Variants in DTNB observed in about 807,000 individuals in gnomAD.
DTNB encodes DTN-B.
DTNB carries 63 observed loss-of-function variants against 90.7 expected under a neutral mutation model. The observed-to-expected ratio is 0.69, with a 90% CI of 0.57 to 0.86. The LOEUF (loss-of-function observed/expected upper bound fraction) is 0.86, where lower values mean the gene tolerates loss of function less well. Ranked by LOEUF, DTNB falls within the 40% of genes least tolerant of loss-of-function variation. The pLI is 0.00. For synonymous variants in DTNB, 277 were observed against 286.7 expected (o/e 0.97, Z 0.34); for missense variants, 744 against 807.1 (o/e 0.92, Z 0.95).
In DTNB at chr2:25,559,176, G is replaced by A. The variant is rs192002221; in HGVS notation, c.876+17662C>T. Reference sequence around the variant, plus strand: ...CTGGTTTTTATTCCTGTGAGGCTCAGTACATCCCCTCACGCGACCCCAATC... The same window carrying A: ...CTGGTTTTTATTCCTGTGAGGCTCAATACATCCCCTCACGCGACCCCAATC... On this transcript the variant is annotated intron_variant, in intron 8 of 20. Transcript: ENST00000406818. 1.3e-3 allele frequency among the ~76,000 whole-genome samples: 194 copies of A among 152,256 alleles called. 1 individual carries two copies. The highest frequency in any genetic ancestry group is 2.1e-3 in the Non-Finnish European group (140 of 68,018).
intron 8 of DTNB, among the ~76,000 whole-genome samples, chr2:25,573,568 T>C (rs1295073504): frequency 6.6e-6 from 1 of 152,214 alleles, no homozygotes; most frequent in Non-Finnish European, 1.5e-5. Context: ...CACTAGCCAA[T>C]TCTTTCTAAG....
At chr2:25,596,385 A>G (rs1195351866) in intron 5 of DTNB, 145 bp from the exon 6 acceptor site, 13 of 954,190 alleles carry the variant, frequency 1.4e-5, no homozygotes. Flanking sequence ...TATTAAAACT[A>G]TTCTCATCCT....
At chr2:25,416,256 A>G (rs2047897566) in intron 16 of DTNB, among the ~76,000 whole-genome samples, 1 of 152,200 alleles carries the variant, frequency 6.6e-6, no homozygotes, top group African/African-American at 2.4e-5. Flanking sequence ...GTAAATCCCT[A>G]AGGGGAATGA....
At chr2:25,545,962 A>G (rs2151062518) in intron 8 of DTNB, among the ~76,000 whole-genome samples, 1 of 152,318 alleles carries the variant, frequency 6.6e-6, no homozygotes, top group East Asian at 1.9e-4. Context: ...GAAAGAGTCA[A>G]TCCTTCCAGA....
At chr2:25,597,101 CT>C (rs1382384523) in intron 5 of DTNB, among the ~76,000 whole-genome samples, 1 of 152,184 alleles carries the variant, frequency 6.6e-6, no homozygotes, top group Admixed American at 6.5e-5. Context: ...TTCCTGAGGA[CT>C]TTTCAAACAT....
chr2:25,659,131 T>C (rs534821951), intron 1 of DTNB, among the ~76,000 whole-genome samples: 13 of 151,534 alleles, frequency 8.6e-5, no homozygotes, highest in Admixed American at 8.5e-4. Context: ...AAGCAGAATG[T>C]GATAAAGCAA....
At chr2:25,404,285 C>T (rs1280044772) in intron 16 of DTNB, among the ~76,000 whole-genome samples, 2 of 152,026 alleles carry the variant, frequency 1.3e-5, no homozygotes, top group African/African-American at 2.4e-5. Flanking sequence ...CCTGGCCTGA[C>T]GTTATGGAAC....
chr2:25,471,907 T>C (rs1253028577), intron 10 of DTNB, among the ~76,000 whole-genome samples: 1 of 152,092 alleles, frequency 6.6e-6, no homozygotes, highest in Non-Finnish European at 1.5e-5. Context: ...TAGTTAGTCA[T>C]GTGAAACGCA....
chr2:25,457,838 T>C (rs1428776852), intron 10 of DTNB, among the ~76,000 whole-genome samples: 7 of 152,076 alleles, frequency 4.6e-5, no homozygotes, highest in Non-Finnish European at 1.0e-4. Flanking sequence ...ATGTTAATTA[T>C]TATTATTATT....
intron 16 of DTNB, among the ~76,000 whole-genome samples, chr2:25,417,963 G>A (rs561829814): frequency 2.0e-5 from 3 of 152,262 alleles, no homozygotes; most frequent in Non-Finnish European, 4.4e-5. Context: ...GATTTGCTCT[G>A]GCCAATGAAA....
At chr2:25,539,408 T>C (rs1204736769) in intron 8 of DTNB, among the ~76,000 whole-genome samples, 1 of 152,172 alleles carries the variant, frequency 6.6e-6, no homozygotes, top group East Asian at 1.9e-4. Context: ...TTGCCAGACA[T>C]GTTAACATTT....
chr2:25,528,884 A>T (rs2077631203), intron 9 of DTNB, among the ~76,000 whole-genome samples: 1 of 152,244 alleles, frequency 6.6e-6, no homozygotes, highest in South Asian at 2.1e-4. Context: ...CTTTACTTAA[A>T]GGTATAAAAA....
intron 2 of DTNB, among the ~76,000 whole-genome samples, chr2:25,648,595 T>C (rs2080057260): frequency 6.6e-6 from 1 of 152,136 alleles, no homozygotes; most frequent in African/African-American, 2.4e-5. Flanking sequence ...AAAAACTATT[T>C]AAATTATTAA....
intron 1 of DTNB, chr2:25,653,121 A>T (rs1358842656): frequency 6.6e-6 from 1 of 152,652 alleles, no homozygotes; most frequent in Non-Finnish European, 1.5e-5. Flanking sequence ...ATATTAAAGA[A>T]ATCAGGTATT....
chr2:25,469,571 G>A (rs2062406133), intron 10 of DTNB, among the ~76,000 whole-genome samples: 1 of 152,138 alleles, frequency 6.6e-6, no homozygotes, highest in African/African-American at 2.4e-5. Context: ...TCAGCATCCT[G>A]AGGAGCTGGG....
chr2:25,537,668 G>A lies in DTNB; in HGVS notation c.877-6071C>T, dbSNP rs543349933. 1.2e-3 allele frequency among the ~76,000 whole-genome samples: 185 copies of A among 152,312 alleles called. 1 individual carries two copies. Among genetic ancestry groups the A allele is most frequent in the African/African-American group, 4.4e-3 (183 of 41,572 alleles). Reference sequence around the variant, plus strand: ...TGGACCTGAAGTGAATTTTGATAATGAGTTAGTTTAGGAGGCTACTATAAC... The same window carrying A: ...TGGACCTGAAGTGAATTTTGATAATAAGTTAGTTTAGGAGGCTACTATAAC... On this transcript the variant is annotated intron_variant, in intron 8 of 20. Transcript: ENST00000406818.
At chr2:25,515,768 G>C (rs879524578) in intron 9 of DTNB, among the ~76,000 whole-genome samples, 6 of 151,864 alleles carry the variant, frequency 4.0e-5, no homozygotes, top group African/African-American at 1.5e-4. Flanking sequence ...GTAGAGATGG[G>C]GTTTCACCAT....
intron 7 of DTNB, among the ~76,000 whole-genome samples, chr2:25,579,258 A>G (rs2061196510): frequency 1.3e-5 from 2 of 152,208 alleles, no homozygotes; most frequent in South Asian, 4.1e-4. Context: ...TGTTTTAAAA[A>G]TTTTGCTGTT....
chr2:25,464,662 T>C (rs573424153), intron 10 of DTNB, among the ~76,000 whole-genome samples: 75 of 152,254 alleles, frequency 4.9e-4, no homozygotes, highest in Non-Finnish European at 9.4e-4. Context: ...TGAGAAACCT[T>C]GTCAATGATG....
Sources: allele counts gnomAD v4.1 joint callset (sites outside exome capture counted in the v4.1 genomes callset), GRCh38; gene constraint gnomAD v4.1.1; transcripts MANE v1.5; gene names NCBI Gene and HGNC (gene_info 2026-07-23, HGNC 2026-07-21).